The following AKNA variants were observed in gnomAD, a reference collection of about 807,000 sequenced individuals.
The protein encoded by AKNA is AT-hook transcription factor.
In AKNA, 67 loss-of-function variants were observed where a neutral mutation model predicts 138.8. The observed-to-expected ratio is 0.48, with a 90% CI of 0.40 to 0.59. The LOEUF is 0.59. Among genes scored for constraint, AKNA ranks in the 20% least tolerant of loss-of-function variants. The pLI, the probability that AKNA is intolerant of heterozygous loss-of-function variation, is 0.00. For synonymous variants in AKNA, 737 were observed against 754.4 expected, an observed-to-expected ratio of 0.98 and a Z score of 0.38; for missense variants, 1,813 against 1,880.4, an observed-to-expected ratio of 0.96 and a Z score of 0.66.
intron 7 of AKNA, among the ~76,000 whole-genome samples, chr9:114,363,379 C>T (rs1442233128): frequency 1.3e-5 from 2 of 152,250 alleles, no homozygotes; most frequent in African/African-American, 4.8e-5. Flanking sequence ...AACCTAAAAC[C>T]CATTCCCTGG....
rs189050470 is a variant in AKNA, at chr9:114,341,638, G to T, written c.3962C>A (p.Pro1321Gln). ...TGCCAGATACCACAGTCCGGGGGGT[G>T]GGCGTGGCGACGACCCCGCCTGCTT... ...RSKQAGSSPRPPPGLWYLATA... is the reference protein window; with the variant it reads ...RSKQAGSSPRQPPGLWYLATA... The change falls in exon 21 of 22, where the codon CCA becomes CAA. Residue 1321 changes from proline to glutamine, a missense_variant. Coordinates refer to ENST00000374088, the MANE Select transcript of AKNA (RefSeq NM_001317950.2). 1.2e-6 allele frequency: 2 copies of T among 1,610,894 alleles called. No individual in the cohort carries two copies. The highest frequency in any genetic ancestry group is 1.7e-6 in the Non-Finnish European group (2 of 1,179,048).
intron 19 of AKNA, among the ~76,000 whole-genome samples, chr9:114,342,947 T>G (rs541446292): frequency 6.6e-6 from 1 of 152,280 alleles, no homozygotes; most frequent in East Asian, 1.9e-4. Context: ...AAGAGCATAG[T>G]GGTGAAAAGG....
chr9:114,362,161 T>C (rs1832015811), intron 8 of AKNA, among the ~76,000 whole-genome samples: 1 of 152,138 alleles, frequency 6.6e-6, no homozygotes, highest in Non-Finnish European at 1.5e-5. Flanking sequence ...CCCACCCCCA[T>C]CTAGCCTCAG....
Position 114,337,067 on chromosome 9 carries a change from G to A in AKNA, c.4307C>T (p.Ser1436Phe), listed in dbSNP as rs1588931078. Residue 1436 changes from serine to phenylalanine, a missense_variant, in exon 22 of 22, where the codon TCC becomes TTC. Coordinates refer to ENST00000374088, the MANE Select transcript of AKNA (RefSeq NM_001317950.2). ...DLRQAHSLRGSCLF is the reference protein window; with the variant it reads ...DLRQAHSLRGFCLF ...CCCCCAGTGAAGTCAGAAGAGGCAG[G>A]AGCCCCGCAGGCTGTGAGCCTGGCG... 7.0e-7 allele frequency: 1 copy of A among 1,428,506 alleles called. No individual in the cohort carries two copies. The highest frequency in any genetic ancestry group is 3.0e-5 in the East Asian group (1 of 33,774). The allele number at this position is 1,428,506 out of a possible 1,614,324, so 88.5% of individuals were successfully genotyped here.
intron 15 of AKNA, among the ~76,000 whole-genome samples, chr9:114,349,608 A>C (rs1184641072): frequency 6.6e-6 from 1 of 152,116 alleles, no homozygotes; most frequent in East Asian, 1.9e-4. Context: ...AAACCTGCCT[A>C]CGCTACGTCC....
chr9:114,364,663 C>G, intron 6 of AKNA, 44 bp from the exon 7 acceptor site: 1 of 1,589,842 alleles, frequency 6.3e-7, no homozygotes, highest in Non-Finnish European at 8.6e-7. Flanking sequence ...TTAATCCAGT[C>G]CTGTAGACTC....
At chr9:114,354,729 A>G (rs1831367312) in intron 14 of AKNA, among the ~76,000 whole-genome samples, 1 of 151,870 alleles carries the variant, frequency 6.6e-6, no homozygotes, top group Non-Finnish European at 1.5e-5. Flanking sequence ...AAAAAAAAAA[A>G]ATAGTTAACA....
At chr9:114,371,181 C>G (rs1832746254) in intron 4 of AKNA, among the ~76,000 whole-genome samples, 2 of 152,222 alleles carry the variant, frequency 1.3e-5, no homozygotes, top group Admixed American at 1.3e-4. Context: ...GGCTCCAGAC[C>G]CATCGGTGTT....
chr9:114,388,547 G>A (rs1834204414), upstream of AKNA, among the ~76,000 whole-genome samples: 6 of 152,210 alleles, frequency 3.9e-5, no homozygotes, highest in African/African-American at 1.4e-4. Context: ...CAGCCAGAGT[G>A]GGATGTTCGG....
rs1831411452 is a variant in AKNA at position 114,355,261 on chromosome 9, CA to C, written c.3058+663del. Among the ~76,000 whole-genome samples, 4 of 151,802 alleles carry C rather than the reference CA, an allele frequency of 2.6e-5. No individual in the cohort carries two copies. In the South Asian group the frequency reaches 8.3e-4, roughly 32 times the overall value. On this transcript the variant is annotated intron_variant, in intron 14 of 21. Transcript: ENST00000374088. ...CACGATTGCAGCTCACTGCAACTTCCACCTCCCGGGTTCAAGCAATTCTCCT... is the reference window on the plus strand; with the variant it reads ...CACGATTGCAGCTCACTGCAACTTCCCCTCCCGGGTTCAAGCAATTCTCCT...
intron 14 of AKNA, among the ~76,000 whole-genome samples, chr9:114,351,427 GT>G (rs1478519403): frequency 2.0e-5 from 3 of 152,196 alleles, no homozygotes; most frequent in Admixed American, 2.0e-4. Context: ...ACGTATGCAT[GT>G]TTCTGGGGAG....
chr9:114,342,497 G>A (rs528744837), intron 19 of AKNA, among the ~76,000 whole-genome samples: 15 of 152,124 alleles, frequency 9.9e-5, no homozygotes, highest in Admixed American at 2.6e-4. Context: ...TCTCCCAAAT[G>A]CAGCCCAACC....
intron 6 of AKNA, among the ~76,000 whole-genome samples, chr9:114,366,279 CAAA>C (rs35834810): frequency 2.3e-5 from 3 of 127,798 alleles, no homozygotes; most frequent in Non-Finnish European, 3.3e-5. Context: ...GACTCTGTCT[CAAA>C]AAAAAAAAAA....
intron 18 of AKNA, chr9:114,345,511 G>A (rs1314078194): frequency 5.4e-6 from 1 of 185,274 alleles, no homozygotes; most frequent in Non-Finnish European, 1.1e-5. Context: ...GAAGCCAGGT[G>A]CAAATGGGAC....
intron 1 of AKNA, 107 bp from the exon 2 acceptor site, chr9:114,381,553 C>T: frequency 8.7e-7 from 1 of 1,151,736 alleles, no homozygotes; most frequent in Non-Finnish European, 1.1e-6. Context: ...CAGTTCAACT[C>T]CTGGTTGTGT....
At chr9:114,331,937 C>T (rs1829860998), downstream of AKNA, 2 of 1,612,542 alleles carry the variant, frequency 1.2e-6, no homozygotes, top group African/African-American at 1.3e-5. Flanking sequence ...AAGGTAAACG[C>T]AAGGGATTGG....
At chr9:114,383,178 C>A (rs933960847) in intron 1 of AKNA, 3 of 455,882 alleles carry the variant, frequency 6.6e-6, no homozygotes, top group Non-Finnish European at 1.3e-5. Context: ...GGAGAATGAA[C>A]CAGGGAGGCT....
Position 114,346,663 on chromosome 9 carries a change from A to G in AKNA, c.3514+6T>C. 1 of 1,596,806 alleles carries G rather than the reference A, an allele frequency of 6.3e-7. No homozygotes were observed. The highest frequency in any genetic ancestry group is 8.5e-7 in the Non-Finnish European group (1 of 1,170,778). On this transcript the variant is annotated splice_donor_region_variant and intron_variant, in intron 17 of 21. Coordinates refer to ENST00000374088, the MANE Select transcript of AKNA (RefSeq NM_001317950.2). ...TGGAAATCAGCCTTTGCAGGTGGTC[A>G]CTTACTCAGGGACAGTCGGAGCACC...
At chr9:114,393,195 G>A (rs1401809785) in intron 1 of AKNA, among the ~76,000 whole-genome samples, 1 of 150,768 alleles carries the variant, frequency 6.6e-6, no homozygotes, top group East Asian at 2.0e-4. Context: ...CAAGCTGTTT[G>A]AATCTGGACA....
Sources: allele counts gnomAD v4.1 joint callset (sites outside exome capture counted in the v4.1 genomes callset), GRCh38; gene constraint gnomAD v4.1.1; transcripts MANE v1.5; gene names NCBI Gene and HGNC (gene_info 2026-07-23, HGNC 2026-07-21).